Variants in CIMAP2 observed in about 807,000 individuals in gnomAD.
The protein encoded by CIMAP2 is ciliary microtubule associated protein 2.
chr1:54,841,917 G>A, the CIMAP2 span: 1 of 1,530,344 alleles, frequency 6.5e-7, no homozygotes, highest in Non-Finnish European at 8.9e-7. Flanking sequence ...AGAGCCCAAA[G>A]GCCTGAAGAC....
chr1:54,817,000 T>C, the CIMAP2 span: 1 of 1,614,036 alleles, frequency 6.2e-7, no homozygotes, highest in Non-Finnish European at 8.5e-7. Flanking sequence ...ACCCAGTAGG[T>C]GTGGGCCGCT....
the CIMAP2 span, among the ~76,000 whole-genome samples, chr1:54,831,018 T>C: frequency 1.3e-5 from 2 of 152,174 alleles, no homozygotes; most frequent in African/African-American, 2.4e-5. Context: ...ATTCAATCCA[T>C]GAAAAGTGTG....
the CIMAP2 span, among the ~76,000 whole-genome samples, chr1:54,839,625 GC>G: frequency 6.6e-6 from 1 of 152,060 alleles, no homozygotes; most frequent in African/African-American, 2.4e-5. Flanking sequence ...TGATCCACCT[GC>G]CTTGGCCTCC....
the CIMAP2 span, among the ~76,000 whole-genome samples, chr1:54,808,323 GA>G: frequency 6.6e-6 from 1 of 152,218 alleles, no homozygotes; most frequent in Non-Finnish European, 1.5e-5. Context: ...GCAATTGATA[GA>G]GAGTAGTCAG....
At chr1:54,841,308 A>G in the CIMAP2 span, among the ~76,000 whole-genome samples, 1 of 152,194 alleles carries the variant, frequency 6.6e-6, no homozygotes, top group South Asian at 2.1e-4. Context: ...AGGGGTTCTT[A>G]TGGAAGTGCC....
chr1:54,837,097 T>C, the CIMAP2 span, among the ~76,000 whole-genome samples: 18 of 152,094 alleles, frequency 1.2e-4, no homozygotes, highest in Admixed American at 1.2e-3. Flanking sequence ...AATATTACAG[T>C]AGACCCTTAA....
the CIMAP2 span, chr1:54,814,966 T>C: frequency 6.2e-7 from 1 of 1,614,126 alleles, no homozygotes; most frequent in Non-Finnish European, 8.5e-7. Flanking sequence ...TGCAAACCCG[T>C]CAACCAGCCC....
the CIMAP2 span, among the ~76,000 whole-genome samples, chr1:54,810,974 C>T: frequency 6.6e-6 from 1 of 152,242 alleles, no homozygotes; most frequent in Non-Finnish European, 1.5e-5. Flanking sequence ...GTCTCACTGC[C>T]TCTTCCCTGC....
the CIMAP2 span, among the ~76,000 whole-genome samples, chr1:54,817,724 ATT>A: frequency 3.3e-4 from 50 of 149,852 alleles, no homozygotes; most frequent in East Asian, 1.4e-3. Context: ...ATAATCCAGT[ATT>A]TTTTTTTTTT....
the CIMAP2 span, among the ~76,000 whole-genome samples, chr1:54,839,501 C>T: frequency 1.4e-4 from 22 of 152,138 alleles, no homozygotes; most frequent in African/African-American, 5.1e-4. Context: ...TCTCAGCCTC[C>T]TGAGTAGCTG....
At chr1:54,811,822 G>A in the CIMAP2 span, 1 of 1,409,910 alleles carries the variant, frequency 7.1e-7, no homozygotes. Context: ...GGAAATTATG[G>A]GGAGAAGGGT....
At chr1:54,814,891 C>G in the CIMAP2 span, 1 of 1,613,754 alleles carries the variant, frequency 6.2e-7, no homozygotes, top group Non-Finnish European at 8.5e-7. Context: ...CTCCAGATTT[C>G]AGCCTTCCTT....
At chr1:54,807,997 C>T in the CIMAP2 span, 120 of 1,578,964 alleles carry the variant, frequency 7.6e-5, no homozygotes, top group African/African-American at 1.1e-3. Context: ...GGTTCGCTTC[C>T]GAGGACTCAC....
At chr1:54,836,857 G>A in the CIMAP2 span, among the ~76,000 whole-genome samples, 1 of 152,030 alleles carries the variant, frequency 6.6e-6, no homozygotes, top group African/African-American at 2.4e-5. Context: ...ACGAAGCCAG[G>A]TGAATCAGGT....
At chr1:54,838,109 T>G in the CIMAP2 span, among the ~76,000 whole-genome samples, 113,533 of 151,830 alleles carry the variant, frequency 0.75, 43,707 homozygotes, top group Middle Eastern at 0.85. Flanking sequence ...TCAAAAGCTG[T>G]ATAAGAGTTG....
the CIMAP2 span, chr1:54,812,258 C>T: frequency 1.3e-6 from 2 of 1,585,224 alleles, no homozygotes; most frequent in Non-Finnish European, 1.7e-6. Flanking sequence ...CTAGTCAGCA[C>T]CAGGAACACC....
At chr1:54,826,690 GC>G in the CIMAP2 span, among the ~76,000 whole-genome samples, 4 of 152,236 alleles carry the variant, frequency 2.6e-5, no homozygotes, top group Admixed American at 2.6e-4. Flanking sequence ...AGGAGCCTGT[GC>G]GGGGAATGTG....
chr1:54,833,352 G>T, the CIMAP2 span, among the ~76,000 whole-genome samples: 1 of 152,296 alleles, frequency 6.6e-6, no homozygotes, highest in Non-Finnish European at 1.5e-5. Context: ...CCTTGGCCAG[G>T]TTGGGAGGAG....
chr1:54,811,765 G>GCCGGGGGGGGGGGGGGGCCCCCCCCC, the CIMAP2 span: 13 of 1,301,296 alleles, frequency 1.0e-5, no homozygotes, highest in Admixed American at 3.7e-5. Flanking sequence ...GGTTCTGACA[G>GCCGGGGGGGGGGGGGGGCCCCCCCCC]CCTCCATGCC....
Sources: gnomAD v4.1 joint callset for allele counts (sites outside exome capture counted in the v4.1 genomes callset) on GRCh38, gnomAD v4.1.1 for gene constraint, MANE v1.5 for transcripts, NCBI Gene and HGNC (gene_info 2026-07-23, HGNC 2026-07-21) for gene names.